SATB1: variants seen among roughly 807,000 people sequenced by gnomAD.
SATB1 encodes the protein DNA-binding protein SATB1.
SATB1 carries 11 observed loss-of-function variants against 86.9 expected under a neutral mutation model. The ratio of observed to expected loss-of-function variants is 0.13; its 90% CI spans 0.08 to 0.21. The LOEUF is 0.21. Among genes scored for constraint, SATB1 ranks in the 10% least tolerant of loss-of-function variants. The pLI, the probability that SATB1 is intolerant of heterozygous loss-of-function variation, is 1.00. For missense variants in SATB1, 551 were observed against 937.6 expected, an observed-to-expected ratio of 0.59 and a Z score of 5.39; for synonymous variants, 357 against 357.2, an observed-to-expected ratio of 1.00 and a Z score of 0.01.
At position 18,386,725 on chromosome 3, in the gene SATB1, A is replaced by C; in HGVS notation, c.1207-114T>G. On this transcript the variant is annotated intron_variant, in intron 7 of 10. Coordinates refer to ENST00000338745, the MANE Select transcript of SATB1 (RefSeq NM_002971.6). This position sits in a 1 kb window ranked among gnomAD's most constrained non-coding sequence, Gnocchi z 4.5. ...AGAAAATGAACAGTCAGAGGCATTA[A>C]TTCTGCATAGGAATATATTAGTTAC... 1 of 768,224 alleles carries C rather than the reference A, an allele frequency of 1.3e-6. No individual in the cohort carries two copies. The highest frequency in any genetic ancestry group is 2.2e-6 in the Non-Finnish European group (1 of 459,746). 47.6% of individuals were successfully genotyped at this position (768,224 alleles called of 1,614,324 possible). A position where few individuals can be genotyped will look rare whatever the true frequency, so the allele number is the denominator to read the frequency against.
At chr3:18,435,130 G>A (rs779611693) in intron 2 of SATB1, 3 of 152,240 alleles carry the variant, frequency 2.0e-5, no homozygotes, top group African/African-American at 7.2e-5. Flanking sequence ...TTAAGGGAGA[G>A]AAATTTTAAT....
At chr3:18,431,995 G>A (rs1295209087) in intron 2 of SATB1, among the ~76,000 whole-genome samples, 3 of 152,148 alleles carry the variant, frequency 2.0e-5, no homozygotes, top group Non-Finnish European at 4.4e-5. Context: ...TGGAAGTACA[G>A]TTCTCAAACC....
intron 5 of SATB1, among the ~76,000 whole-genome samples, chr3:18,400,238 T>C (rs1490778485): frequency 1.3e-5 from 2 of 152,208 alleles, no homozygotes; most frequent in Admixed American, 1.3e-4. Context: ...AAGGAGGTAC[T>C]GGTTTAAAAA....
chr3:18,431,948 A>T (rs1329093398), intron 2 of SATB1, among the ~76,000 whole-genome samples: 1 of 152,212 alleles, frequency 6.6e-6, no homozygotes, highest in Non-Finnish European at 1.5e-5. Context: ...GTTATTTATC[A>T]TGATAGACAT....
exon 1 of SATB1, chr3:18,445,575 G>A (rs1311726200): frequency 3.7e-5 from 36 of 976,114 alleles, no homozygotes; most frequent in Non-Finnish European, 4.1e-5. Flanking sequence ...GCTTCCTCTT[G>A]TTGCTTGTTG....
chr3:18,378,345 T>C lies in SATB1; in HGVS notation c.1420-20A>G, dbSNP rs778281857. On this transcript the variant is annotated intron_variant, in intron 8 of 10. Coordinates refer to ENST00000338745, the MANE Select transcript of SATB1 (RefSeq NM_002971.6). ...TTTCACCTACAAAACATTTTGAACA[T>C]GGCTGTCATTTTTCATTGGCTGAAT... The C allele has an allele frequency of 2.5e-6, 4 of 1,608,888 alleles. No homozygotes were observed. Among genetic ancestry groups the C allele is most frequent in the Non-Finnish European group, 2.5e-6 (3 of 1,178,132 alleles).
In SATB1 at chr3:18,432,417, A is replaced by G. The variant is rs148492535; in HGVS notation, c.-25+4372T>C. On this transcript the variant is annotated intron_variant, in intron 2 of 3. Transcript: ENST00000414509. ...TAATTGGAGGGAGAAAGAATTCGCGATAACAATGGTCCTGAATCCTTGTCC... is the reference window on the plus strand; with the variant it reads ...TAATTGGAGGGAGAAAGAATTCGCGGTAACAATGGTCCTGAATCCTTGTCC... 2.0e-3 allele frequency among the ~76,000 whole-genome samples: 304 copies of G among 152,298 alleles called. 1 individual carries two copies. The highest frequency in any genetic ancestry group is 7.0e-3 in the African/African-American group (289 of 41,564).
At chr3:18,442,207 G>T (rs966053487), upstream of SATB1, among the ~76,000 whole-genome samples, 27 of 151,528 alleles carry the variant, frequency 1.8e-4, no homozygotes, top group Non-Finnish European at 4.4e-5. Flanking sequence ...CAAATTTTAA[G>T]GAGGTAGTAC....
chr3:18,416,172 C>A (rs201936122), intron 3 of SATB1, 39 bp from the exon 4 acceptor site: 1 of 1,538,580 alleles, frequency 6.5e-7, no homozygotes, highest in Non-Finnish European at 8.9e-7. Context: ...AAATATTTTA[C>A]CCTCAGATAA....
At chr3:18,414,635 A>T (rs2125156876) in intron 5 of SATB1, among the ~76,000 whole-genome samples, 1 of 152,204 alleles carries the variant, frequency 6.6e-6, no homozygotes, top group South Asian at 2.1e-4. Context: ...TTTGTACTAA[A>T]ATACTTTTAA....
intron 9 of SATB1, among the ~76,000 whole-genome samples, chr3:18,358,374 C>T (rs1694755544): frequency 6.6e-6 from 1 of 151,920 alleles, no homozygotes; most frequent in South Asian, 2.1e-4. Context: ...TTATGAGAGG[C>T]CCCCACCATT....
chr3:18,375,985 T>A (rs551301354), intron 9 of SATB1, among the ~76,000 whole-genome samples: 2 of 152,308 alleles, frequency 1.3e-5, no homozygotes, highest in South Asian at 4.1e-4. Context: ...CTTTGGGGCT[T>A]TGGGAAACAC....
chr3:18,377,906 T>C (rs1695845610), intron 9 of SATB1, among the ~76,000 whole-genome samples: 1 of 152,190 alleles, frequency 6.6e-6, no homozygotes, highest in Admixed American at 6.5e-5. Context: ...GACTATCCAT[T>C]ATGATATCCT....
At chr3:18,363,582 T>TA (rs1695028271) in intron 9 of SATB1, among the ~76,000 whole-genome samples, 1 of 152,148 alleles carries the variant, frequency 6.6e-6, no homozygotes, top group South Asian at 2.1e-4. Flanking sequence ...AGCATGACCC[T>TA]ACTCCATCCT....
At chr3:18,414,085 T>A (rs1264084909) in intron 5 of SATB1, among the ~76,000 whole-genome samples, 1 of 152,088 alleles carries the variant, frequency 6.6e-6, no homozygotes, top group Non-Finnish European at 1.5e-5. Context: ...TACAGCAGCA[T>A]CCTACAGTTC....
intron 7 of SATB1, among the ~76,000 whole-genome samples, chr3:18,392,805 A>G (rs769067342): frequency 6.6e-6 from 1 of 152,048 alleles, no homozygotes; most frequent in Admixed American, 6.6e-5. Context: ...TGAGCCATTC[A>G]TTTTCAATAA....
chr3:18,359,656 AT>A (rs994112068), intron 9 of SATB1, among the ~76,000 whole-genome samples: 30 of 152,090 alleles, frequency 2.0e-4, no homozygotes, highest in African/African-American at 7.0e-4. Context: ...CTGAAAAAAA[AT>A]GTTCCCGTTT....
intron 4 of SATB1, 63 bp from the exon 5 acceptor site, chr3:18,415,297 C>T: frequency 1.9e-6 from 3 of 1,585,634 alleles, no homozygotes; most frequent in Non-Finnish European, 2.6e-6. Flanking sequence ...CAGAACATTC[C>T]TTTAAGACAG....
intron 1 of SATB1, among the ~76,000 whole-genome samples, chr3:18,438,366 T>C (rs975669950): frequency 2.6e-5 from 4 of 152,192 alleles, no homozygotes; most frequent in African/African-American, 9.7e-5. Context: ...CCCTGGGAAC[T>C]TGCTACTGTA....
Sources: allele counts gnomAD v4.1 joint callset (sites outside exome capture counted in the v4.1 genomes callset), GRCh38; gene constraint gnomAD v4.1.1; non-coding constraint Gnocchi (gnomAD v3.1); transcripts MANE v1.5; gene names NCBI Gene and HGNC (gene_info 2026-07-23, HGNC 2026-07-21).